Variants in MGAT5 observed in about 807,000 individuals in gnomAD.
The protein encoded by MGAT5 is alpha-1,6-mannosylglycoprotein 6-beta-N-acetylglucosaminyltransferase A.
Under a neutral mutation model 94.3 loss-of-function variants are expected in MGAT5, and 30 were observed. The ratio of observed to expected loss-of-function variants is 0.32; its 90% CI spans 0.24 to 0.43. The LOEUF is 0.43. Ranked by LOEUF, MGAT5 falls within the 20% of genes least tolerant of loss-of-function variation. The probability of loss-of-function intolerance (pLI) is 1.00; values close to 1 mark genes in which losing one functional copy is unlikely to be tolerated. For synonymous variants in MGAT5, 310 were observed against 322.9 expected, an observed-to-expected ratio of 0.96 and a Z score of 0.43; for missense variants, 691 against 905.5, an observed-to-expected ratio of 0.76 and a Z score of 3.04.
chr2:134,341,890 T>G (rs941280909), intron 7 of MGAT5, 131 bp downstream of exon 7: 1 of 709,348 alleles, frequency 1.4e-6, no homozygotes, highest in Non-Finnish European at 2.2e-6. Flanking sequence ...AAACAGGAGA[T>G]AAGAAGATTA....
At chr2:134,146,883 A>C (rs941622552) in intron 1 of MGAT5, among the ~76,000 whole-genome samples, 2 of 152,240 alleles carry the variant, frequency 1.3e-5, no homozygotes, top group African/African-American at 4.8e-5. Flanking sequence ...GAATTTAAAA[A>C]GTCACTCTGG....
At chr2:134,191,951 C>CT (rs1285981956) in intron 1 of MGAT5, among the ~76,000 whole-genome samples, 1 of 148,518 alleles carries the variant, frequency 6.7e-6, no homozygotes, top group Non-Finnish European at 1.5e-5. Flanking sequence ...TCGTGCCCTC[C>CT]TTCTCCTCCT....
At chr2:134,154,649 C>A (rs1301382507) in intron 1 of MGAT5, among the ~76,000 whole-genome samples, 1 of 152,172 alleles carries the variant, frequency 6.6e-6, no homozygotes, top group Non-Finnish European at 1.5e-5. Flanking sequence ...ACTGACCACA[C>A]CCCTGAGACT....
chr2:134,254,882 C>T (rs1682836106), intron 1 of MGAT5, among the ~76,000 whole-genome samples: 1 of 152,202 alleles, frequency 6.6e-6, no homozygotes, highest in African/African-American at 2.4e-5. Flanking sequence ...ATAGTTAGGG[C>T]TCTATTGGTT....
intron 8 of MGAT5, among the ~76,000 whole-genome samples, chr2:134,346,586 C>G (rs1472168631): frequency 2.6e-5 from 4 of 151,878 alleles, no homozygotes; most frequent in South Asian, 2.1e-4. Context: ...CAAAATTTTC[C>G]CTTTTAAAAA....
At chr2:134,120,563 G>A (rs577970342) in intron 1 of MGAT5, among the ~76,000 whole-genome samples, 1 of 152,020 alleles carries the variant, frequency 6.6e-6, no homozygotes, top group Non-Finnish European at 1.5e-5. Flanking sequence ...CCCAGGGGAG[G>A]CTGAACCCCC....
At chr2:134,375,376 A>T (rs1036086293) in intron 10 of MGAT5, among the ~76,000 whole-genome samples, 4 of 152,146 alleles carry the variant, frequency 2.6e-5, no homozygotes, top group Non-Finnish European at 5.9e-5. Flanking sequence ...AAATAAATAC[A>T]TTTATGTTGG....
rs141366902 is a variant in MGAT5 at position 134,386,051 on chromosome 2, G to A, written c.1381-16937G>A. Among the ~76,000 whole-genome samples the A allele has an allele frequency of 4.1e-4, 63 of 152,216 alleles. 3 individuals carry two copies. The East Asian group carries it at 0.011, about 27-fold the overall frequency. On this transcript the variant is annotated intron_variant, in intron 10 of 15. Coordinates refer to ENST00000281923, the MANE Select transcript of MGAT5 (RefSeq NM_002410.5). ...GGAACCACAACACAGTAAGCACTGG[G>A]GACATTTTGATCCGGTGACAAATTC... is the stretch of plus-strand genomic sequence containing the variant.
At chr2:134,192,844 G>A (rs1679296518) in intron 1 of MGAT5, among the ~76,000 whole-genome samples, 1 of 151,934 alleles carries the variant, frequency 6.6e-6, no homozygotes, top group South Asian at 2.1e-4. Context: ...AAGGCTGTAA[G>A]AAAGCAAGCA....
chr2:134,128,337 G>C (rs552364937), intron 1 of MGAT5, among the ~76,000 whole-genome samples: 1 of 152,308 alleles, frequency 6.6e-6, no homozygotes, highest in African/African-American at 2.4e-5. Flanking sequence ...ATCAGTTAAA[G>C]GAAGTCTGCA....
At chr2:134,339,644 A>G in intron 6 of MGAT5, among the ~76,000 whole-genome samples, 1 of 152,166 alleles carries the variant, frequency 6.6e-6, no homozygotes, top group East Asian at 1.9e-4. Flanking sequence ...CATGGAGGCA[A>G]CAGAAACTAC....
intron 1 of MGAT5, among the ~76,000 whole-genome samples, chr2:134,203,877 T>G (rs1450127567): frequency 2.0e-5 from 3 of 152,180 alleles, no homozygotes; most frequent in Non-Finnish European, 4.4e-5. Flanking sequence ...TCTCTGGACA[T>G]TCATTTCTTC....
At chr2:134,197,639 C>T (rs4953906) in intron 1 of MGAT5, among the ~76,000 whole-genome samples, 25,342 of 152,084 alleles carry the variant, frequency 0.17, 2,524 homozygotes, top group East Asian at 0.36. Context: ...CCATGTAGGA[C>T]GGAAAATCTT....
chr2:134,183,617 G>A (rs1431713630), intron 1 of MGAT5, among the ~76,000 whole-genome samples: 2 of 152,232 alleles, frequency 1.3e-5, no homozygotes, highest in Non-Finnish European at 2.9e-5. Flanking sequence ...GCCAGGAGGA[G>A]CTGAAATTGC....
At chr2:134,326,053 T>TCTCTC (rs1553446921) in intron 4 of MGAT5, among the ~76,000 whole-genome samples, 15 of 70,482 alleles carry the variant, frequency 2.1e-4, no homozygotes, top group East Asian at 3.9e-4. Context: ...TCTCTCTCTC[T>TCTCTC]TTTTTTTTTT....
At chr2:134,175,503 TC>T (rs1688418960) in intron 1 of MGAT5, among the ~76,000 whole-genome samples, 1 of 152,174 alleles carries the variant, frequency 6.6e-6, no homozygotes, top group East Asian at 1.9e-4. Context: ...AGCTACGGGT[TC>T]CTTTGTTGTT....
At chr2:134,148,173 C>T (rs546316685) in intron 1 of MGAT5, among the ~76,000 whole-genome samples, 10 of 152,316 alleles carry the variant, frequency 6.6e-5, no homozygotes, top group African/African-American at 9.6e-5. Flanking sequence ...GAAACATCCA[C>T]GGGCTTCATC....
intron 9 of MGAT5, among the ~76,000 whole-genome samples, chr2:134,358,126 T>C (rs2106093141): frequency 6.6e-6 from 1 of 151,650 alleles, no homozygotes; most frequent in Admixed American, 6.6e-5. Flanking sequence ...ATCTAGATTC[T>C]ACAATTAACC....
chr2:134,302,783 C>T (rs1248126165), intron 2 of MGAT5, among the ~76,000 whole-genome samples: 2 of 143,358 alleles, frequency 1.4e-5, no homozygotes, highest in Admixed American at 1.4e-4. Context: ...TTCCAGCCTC[C>T]TTCTTCTGAC....
Sources: gnomAD v4.1 joint callset for allele counts (sites outside exome capture counted in the v4.1 genomes callset) on GRCh38, gnomAD v4.1.1 for gene constraint, MANE v1.5 for transcripts, NCBI Gene and HGNC (gene_info 2026-07-23, HGNC 2026-07-21) for gene names.